IL1RAPL1: variants seen among roughly 807,000 people sequenced by gnomAD.
IL1RAPL1 encodes the protein interleukin 1 receptor accessory protein like 1.
In IL1RAPL1, 3 loss-of-function variants were observed where a neutral mutation model predicts 48.4. The ratio of observed to expected loss-of-function variants is 0.06; its 90% confidence interval spans 0.03 to 0.16. IL1RAPL1 has a LOEUF of 0.16. Ranked by LOEUF, IL1RAPL1 falls within the 10% of genes least tolerant of loss-of-function variation. The pLI is 1.00. For missense variants in IL1RAPL1, 349 were observed against 530.6 expected, an observed-to-expected ratio of 0.66 and a Z score of 3.36; for synonymous variants, 185 against 187.7, an observed-to-expected ratio of 0.99 and a Z score of 0.12.
intron 6 of IL1RAPL1, among the ~76,000 whole-genome samples, chrX:29,716,283 C>T (rs1268228673): frequency 3.6e-5 from 4 of 111,067 alleles, no homozygotes; most frequent in Non-Finnish European, 1.9e-5. Flanking sequence ...AGAAATAACT[C>T]TCTTTGGCTG....
intron 2 of IL1RAPL1, among the ~76,000 whole-genome samples, chrX:28,808,942 C>T (rs1218787237): frequency 9.0e-6 from 1 of 110,692 alleles, no homozygotes; most frequent in African/African-American, 3.3e-5. Flanking sequence ...AATGGTTTAA[C>T]AGGCTAAACC....
intron 5 of IL1RAPL1, among the ~76,000 whole-genome samples, chrX:29,582,361 A>AT (rs1272999048): frequency 1.1e-5 from 1 of 94,962 alleles, no homozygotes; most frequent in South Asian, 4.2e-4. Flanking sequence ...TTTTTTTTTT[A>AT]TTTTTTTATT....
At position 29,761,419 on chromosome X, in the gene IL1RAPL1, C is replaced by A. The variant is rs777319735; in HGVS notation, c.778+92915C>A. ...ACAATTTGGGAGAAAAGCCTCTCGC[C>A]AGCATTTCTTCAATCACACAACATA... On this transcript the variant is annotated intron_variant, in intron 6 of 10. Coordinates refer to ENST00000378993, the MANE Select transcript of IL1RAPL1 (RefSeq NM_014271.4). Among the ~76,000 whole-genome samples, 75 of 111,644 alleles carry A rather than the reference C, an allele frequency of 6.7e-4. 2 individuals carry two copies. The highest frequency in any genetic ancestry group is 4.2e-3 in the Admixed American group (44 of 10,472).
At chrX:29,880,141 GGAAA>G (rs1931995427) in intron 6 of IL1RAPL1, among the ~76,000 whole-genome samples, 2 of 110,710 alleles carry the variant, frequency 1.8e-5, no homozygotes, top group Admixed American at 9.7e-5. Flanking sequence ...TGGAGAAGAT[GGAAA>G]GATAGATACT....
chrX:29,809,669 G>A (rs370353137), intron 6 of IL1RAPL1, among the ~76,000 whole-genome samples: 4 of 110,273 alleles, frequency 3.6e-5, no homozygotes, highest in East Asian at 5.7e-4. Context: ...TTTTTATTGT[G>A]GTGGTTGTTC....
chrX:29,247,074 G>A (rs1316148678), intron 2 of IL1RAPL1, among the ~76,000 whole-genome samples: 1 of 112,153 alleles, frequency 8.9e-6, no homozygotes, highest in East Asian at 2.8e-4. Flanking sequence ...TCATATCTAA[G>A]TTGAAGTCAT....
Position 28,787,731 on chromosome X carries a change from G to A in IL1RAPL1, c.-24-1589G>A, listed in dbSNP as rs769906440. Among the ~76,000 whole-genome samples, 5 of 111,456 alleles carry A rather than the reference G, an allele frequency of 4.5e-5. No individual in the cohort carries two copies. In the South Asian group the frequency reaches 1.9e-3, roughly 42 times the overall value. ...ATTAATCAATTAAAACCATTCAGAA[G>A]TATCTGAATGAGGCTCTGGGAGAAC... is the stretch of plus-strand genomic sequence containing the variant. On this transcript the variant is annotated intron_variant, in intron 1 of 10. Transcript: ENST00000378993.
At chrX:29,903,938 G>GCTGA (rs1393041303) in intron 6 of IL1RAPL1, among the ~76,000 whole-genome samples, 1 of 112,048 alleles carries the variant, frequency 8.9e-6, no homozygotes, top group Non-Finnish European at 1.9e-5. Flanking sequence ...TGCAGACCTG[G>GCTGA]CTGACTGATA....
intron 2 of IL1RAPL1, among the ~76,000 whole-genome samples, chrX:29,167,441 G>A (rs1280860096): frequency 3.7e-5 from 4 of 106,714 alleles, no homozygotes; most frequent in Non-Finnish European, 5.8e-5. Flanking sequence ...TACTTAATAC[G>A]TATTTTCCTT....
chrX:29,873,413 T>G (rs1393616326), intron 6 of IL1RAPL1, among the ~76,000 whole-genome samples: 1 of 102,892 alleles, frequency 9.7e-6, no homozygotes, highest in Non-Finnish European at 2.0e-5. Flanking sequence ...AGCTAATCCC[T>G]AATGCAATAA....
Position 28,761,345 on chromosome X carries a change from T to C in IL1RAPL1, c.-24-27975T>C, listed in dbSNP as rs562924859. 9.9e-5 allele frequency among the ~76,000 whole-genome samples: 11 copies of C among 111,429 alleles called. No individual in the cohort carries two copies. The South Asian group carries it at 4.2e-3, about 43-fold the overall frequency. ...ATCACAGCACTGTTCACTGTTGATA[T>C]GCCCATTAATGGTGGATTTGACAAA... On this transcript the variant is annotated intron_variant, in intron 1 of 10. Coordinates refer to ENST00000378993, the MANE Select transcript of IL1RAPL1 (RefSeq NM_014271.4).
At chrX:28,962,872 G>T (rs986935264) in intron 2 of IL1RAPL1, among the ~76,000 whole-genome samples, 1 of 98,068 alleles carries the variant, frequency 1.0e-5, no homozygotes, top group African/African-American at 4.2e-5. Context: ...ATGATTGTGT[G>T]TCTGTGTGTA....
chrX:29,712,418 C>T (rs1269498512), intron 6 of IL1RAPL1, among the ~76,000 whole-genome samples: 1 of 111,470 alleles, frequency 9.0e-6, no homozygotes, highest in Non-Finnish European at 1.9e-5. Flanking sequence ...TAAAATAGGA[C>T]AAGGACCTTC....
chrX:29,833,902 G>A (rs755102667), intron 6 of IL1RAPL1, among the ~76,000 whole-genome samples: 1 of 111,823 alleles, frequency 8.9e-6, no homozygotes, highest in South Asian at 3.7e-4. Flanking sequence ...TCTAAGGAAT[G>A]TATTCTACCC....
At chrX:29,319,752 A>G (rs184097745) in intron 3 of IL1RAPL1, among the ~76,000 whole-genome samples, 41 of 110,897 alleles carry the variant, frequency 3.7e-4, no homozygotes, top group African/African-American at 1.3e-3. Flanking sequence ...AGTTGATATG[A>G]ATGCCATTTT....
At chrX:29,264,383 T>G (rs1467764881) in intron 2 of IL1RAPL1, among the ~76,000 whole-genome samples, 1 of 111,072 alleles carries the variant, frequency 9.0e-6, no homozygotes, top group African/African-American at 3.3e-5. Context: ...CACACTCTTT[T>G]GATAGTGAAG....
chrX:29,098,990 A>C (rs1364597839), intron 2 of IL1RAPL1, among the ~76,000 whole-genome samples: 1 of 111,104 alleles, frequency 9.0e-6, no homozygotes, highest in Non-Finnish European at 1.9e-5. Flanking sequence ...GTCTCTACTA[A>C]AAATGCAAAA....
Position 29,882,192 on chromosome X carries a change from C to T in IL1RAPL1, c.779-35272C>T, listed in dbSNP as rs146974368. 9.7e-3 allele frequency among the ~76,000 whole-genome samples: 1,077 copies of T among 111,365 alleles called. 16 individuals carry two copies. The highest frequency in any genetic ancestry group is 0.034 in the African/African-American group (1,031 of 30,688). On this transcript the variant is annotated intron_variant, in intron 6 of 10. Coordinates refer to ENST00000378993, the MANE Select transcript of IL1RAPL1 (RefSeq NM_014271.4). ...TTGAAGTTGAGAAATAAAATGTTGCCAAGTATATCCAGGGTCATCCCATTT... is the reference window on the plus strand; with the variant it reads ...TTGAAGTTGAGAAATAAAATGTTGCTAAGTATATCCAGGGTCATCCCATTT...
intron 6 of IL1RAPL1, among the ~76,000 whole-genome samples, chrX:29,853,203 A>C (rs775609420): frequency 1.6e-3 from 177 of 108,929 alleles, no homozygotes; most frequent in African/African-American, 5.6e-3. Context: ...AAAAAAAAAA[A>C]AAAAAACACG....
Sources: gnomAD v4.1 joint callset for allele counts (sites outside exome capture counted in the v4.1 genomes callset) on GRCh38, gnomAD v4.1.1 for gene constraint, MANE v1.5 for transcripts, NCBI Gene and HGNC (gene_info 2026-07-23, HGNC 2026-07-21) for gene names.